COLEC12: variants seen among roughly 807,000 people sequenced by gnomAD.
COLEC12 encodes the protein collectin subfamily member 12.
In COLEC12, 33 loss-of-function variants were observed where a neutral mutation model predicts 71.1. The observed-to-expected ratio is 0.46, with a 90% CI of 0.35 to 0.62. The LOEUF is 0.62. COLEC12 is among the 20% of genes least tolerant of loss of function. The pLI is 0.00. For missense variants in COLEC12, 765 were observed against 916.1 expected, an observed-to-expected ratio of 0.84 and a Z score of 2.13; for synonymous variants, 350 against 353.0, an observed-to-expected ratio of 0.99 and a Z score of 0.10.
At chr18:486,418 C>T (rs566639399) in intron 1 of COLEC12, among the ~76,000 whole-genome samples, 43 of 152,306 alleles carry the variant, frequency 2.8e-4, no homozygotes, top group African/African-American at 8.7e-4. Flanking sequence ...CTCCTGGTCT[C>T]GAGTGATCTG....
chr18:340,952 G>A (rs1171226835), intron 5 of COLEC12, among the ~76,000 whole-genome samples: 1 of 152,168 alleles, frequency 6.6e-6, no homozygotes, highest in Non-Finnish European at 1.5e-5. Context: ...GTCTGCTTCT[G>A]AGCCTGTTAA....
At chr18:411,960 G>T (rs1199696621) in intron 2 of COLEC12, among the ~76,000 whole-genome samples, 1 of 152,158 alleles carries the variant, frequency 6.6e-6, no homozygotes, top group Non-Finnish European at 1.5e-5. Context: ...AGAGCCTCAG[G>T]GATTTGTGGA....
chr18:451,982 C>T (rs182821629), intron 2 of COLEC12, among the ~76,000 whole-genome samples: 2 of 152,336 alleles, frequency 1.3e-5, no homozygotes, highest in South Asian at 2.1e-4. Context: ...CTTTGTGGCA[C>T]TTCATCACAT....
intron 2 of COLEC12, among the ~76,000 whole-genome samples, chr18:468,217 G>A (rs186241332): frequency 1.4e-5 from 2 of 145,840 alleles, no homozygotes; most frequent in Admixed American, 7.0e-5. Flanking sequence ...AGCCGAGATC[G>A]CACCATTGCA....
intron 5 of COLEC12, among the ~76,000 whole-genome samples, chr18:335,831 G>A (rs1240025432): frequency 4.6e-5 from 7 of 152,140 alleles, no homozygotes; most frequent in Admixed American, 4.6e-4. Flanking sequence ...AGAATGTATT[G>A]TAACAGTGCA....
chr18:417,955 A>G (rs1303800309), intron 2 of COLEC12, among the ~76,000 whole-genome samples: 2 of 152,070 alleles, frequency 1.3e-5, no homozygotes, highest in Non-Finnish European at 2.9e-5. Flanking sequence ...TTTGTCCCTG[A>G]GGAGGATGGC....
At chr18:466,197 A>C (rs561398002) in intron 2 of COLEC12, among the ~76,000 whole-genome samples, 12 of 152,266 alleles carry the variant, frequency 7.9e-5, no homozygotes, top group Middle Eastern at 3.4e-3. Context: ...CTGAGATCGC[A>C]CCACTGCACT....
At chr18:419,963 C>T (rs1916064008) in intron 2 of COLEC12, among the ~76,000 whole-genome samples, 1 of 152,190 alleles carries the variant, frequency 6.6e-6, no homozygotes, top group Admixed American at 6.5e-5. Context: ...TGCAAGATGT[C>T]TGACTGCCCT....
At chr18:434,126 G>A (rs1168764019) in intron 2 of COLEC12, among the ~76,000 whole-genome samples, 1 of 152,108 alleles carries the variant, frequency 6.6e-6, no homozygotes, top group East Asian at 1.9e-4. Context: ...CTTATATGAG[G>A]TCATTGCTAT....
rs1325806540 is a variant in COLEC12 at position 480,615 on chromosome 18, G to A, written c.58+92C>T. 2 of 1,108,820 alleles carry A rather than the reference G, an allele frequency of 1.8e-6. No homozygotes were observed. The highest frequency in any genetic ancestry group is 1.5e-5 in the African/African-American group (1 of 65,108). The allele number at this position is 1,108,820 out of a possible 1,614,324, so 68.7% of individuals were successfully genotyped here. On this transcript the variant is annotated intron_variant, in intron 2 of 9. Transcript: ENST00000400256. The surrounding 1 kb of genome is among the most constrained non-coding windows in gnomAD (Gnocchi z 4.1). Reference sequence around the variant, plus strand: ...GCCACAAACACCCATGTGCATGAAGGGCCTGCCAGTGGCCTGCCAATGGTC... The same window carrying A: ...GCCACAAACACCCATGTGCATGAAGAGCCTGCCAGTGGCCTGCCAATGGTC...
intron 2 of COLEC12, among the ~76,000 whole-genome samples, chr18:401,503 G>T (rs1179767187): frequency 2.1e-5 from 3 of 143,640 alleles, no homozygotes; most frequent in East Asian, 4.8e-4. Flanking sequence ...AGTTGCCTGT[G>T]AAAGTATAAT....
rs1472887509 is a variant in COLEC12, at chr18:408,572, C to T, written c.59-51050G>A. ...TCATAGCGGTCTCAAAGTTGAAATC[C>T]TCCAGGGAATTCAAGTATTACCAAA... On this transcript the variant is annotated intron_variant, in intron 2 of 9. Transcript: ENST00000400256. The surrounding 1 kb of genome is among the most constrained non-coding windows in gnomAD (Gnocchi z 4.3). Among the ~76,000 whole-genome samples, 1 of 150,996 alleles carries T rather than the reference C, an allele frequency of 6.6e-6. No individual in the cohort carries two copies. Among genetic ancestry groups the T allele is most frequent in the Non-Finnish European group, 1.5e-5 (1 of 67,854 alleles).
intron 8 of COLEC12, among the ~76,000 whole-genome samples, chr18:326,668 T>C (rs1422931677): frequency 1.3e-5 from 2 of 152,178 alleles, no homozygotes; most frequent in African/African-American, 4.8e-5. Context: ...TGGCTTTTTT[T>C]TAAATTTATT....
At chr18:333,616 GCTAACCAAACATT>G (rs1467546998) in intron 6 of COLEC12, 1 of 152,960 alleles carries the variant, frequency 6.5e-6, no homozygotes, top group Non-Finnish European at 1.5e-5. Context: ...AGGCTTGGTT[GCTAACCAAACATT>G]CGAGTTTTGC....
intron 2 of COLEC12, among the ~76,000 whole-genome samples, chr18:378,178 C>A (rs930972644): frequency 1.3e-5 from 2 of 152,140 alleles, no homozygotes; most frequent in African/African-American, 4.8e-5. Flanking sequence ...ACTGCAGTTA[C>A]TTGTGGGTGG....
chr18:423,496 A>G (rs1916138277), intron 2 of COLEC12, among the ~76,000 whole-genome samples: 1 of 152,024 alleles, frequency 6.6e-6, no homozygotes, highest in Non-Finnish European at 1.5e-5. Flanking sequence ...TTTCTTCTTC[A>G]CAGTGCATAA....
chr18:476,109 A>G (rs1364327156), intron 2 of COLEC12, among the ~76,000 whole-genome samples: 2 of 152,244 alleles, frequency 1.3e-5, no homozygotes, highest in Admixed American at 6.5e-5. Context: ...TGCTTCAAAG[A>G]ACACACTTAC....
intron 1 of COLEC12, among the ~76,000 whole-genome samples, chr18:489,076 G>T (rs561764556): frequency 1.2e-3 from 189 of 152,010 alleles, no homozygotes; most frequent in Admixed American, 2.2e-3. Flanking sequence ...GCCACTCCAA[G>T]GCTCATCATC....
intron 5 of COLEC12, among the ~76,000 whole-genome samples, chr18:336,836 C>T (rs1914129195): frequency 6.6e-6 from 1 of 152,054 alleles, no homozygotes; most frequent in Admixed American, 6.6e-5. Flanking sequence ...TAATCTCTCT[C>T]TCTCTTTTTT....
Sources: gnomAD v4.1 joint callset for allele counts (sites outside exome capture counted in the v4.1 genomes callset) on GRCh38, gnomAD v4.1.1 for gene constraint, Gnocchi (gnomAD v3.1) non-coding constraint, MANE v1.5 for transcripts, NCBI Gene and HGNC (gene_info 2026-07-23, HGNC 2026-07-21) for gene names.